RRBP1: variants seen among roughly 807,000 people sequenced by gnomAD.
The protein encoded by RRBP1 is ribosome-binding protein 1.
Under a neutral mutation model 165.2 loss-of-function variants are expected in RRBP1, and 94 were observed. The ratio of observed to expected loss-of-function variants is 0.57; its 90% CI spans 0.48 to 0.68. The LOEUF (loss-of-function observed/expected upper bound fraction) is 0.68, where lower values mean the gene tolerates loss of function less well. Among genes scored for constraint, RRBP1 ranks in the 30% least tolerant of loss-of-function variants. RRBP1 has a pLI of 0.00. For missense variants in RRBP1, 1,676 were observed against 1,763.0 expected (o/e 0.95, Z 0.88); for synonymous variants, 680 against 714.5 (o/e 0.95, Z 0.77).
At chr20:17,636,775 C>CAG (rs746675993) in intron 5 of RRBP1, 46 bp from the exon 6 acceptor site, 3 of 1,607,840 alleles carry the variant, frequency 1.9e-6, no homozygotes, top group Non-Finnish European at 2.5e-6. Flanking sequence ...CCTTGCAGGG[C>CAG]AGGAGCCTAT....
intron 8 of RRBP1, among the ~76,000 whole-genome samples, chr20:17,631,639 A>T (rs1477251567): frequency 6.6e-6 from 1 of 152,218 alleles, no homozygotes; most frequent in Non-Finnish European, 1.5e-5. Flanking sequence ...TCTAAGATTC[A>T]GTTCTTCTAG....
intron 2 of RRBP1, among the ~76,000 whole-genome samples, chr20:17,673,679 G>T (rs1220865944): frequency 6.6e-6 from 1 of 152,186 alleles, no homozygotes; most frequent in Non-Finnish European, 1.5e-5. Context: ...AAAGTGCTGG[G>T]ACTACAGGCT....
At chr20:17,636,517 CG>C in intron 6 of RRBP1, 59 bp downstream of exon 6, 1 of 1,578,098 alleles carries the variant, frequency 6.3e-7, no homozygotes, top group Non-Finnish European at 8.6e-7. Flanking sequence ...TGGCTCCCTC[CG>C]TCCTGGACCT....
At chr20:17,617,406 G>A (rs1265704795) in intron 20 of RRBP1, among the ~76,000 whole-genome samples, 1 of 152,190 alleles carries the variant, frequency 6.6e-6, no homozygotes. Flanking sequence ...ACCCAGGTGG[G>A]GCCCTTGGCA....
At chr20:17,656,485 G>A (rs537000895) in intron 3 of RRBP1, among the ~76,000 whole-genome samples, 2 of 152,228 alleles carry the variant, frequency 1.3e-5, no homozygotes, top group Admixed American at 1.3e-4. Context: ...GGTCTAAGAA[G>A]ACTTTTCCAA....
intron 2 of RRBP1, among the ~76,000 whole-genome samples, chr20:17,674,465 A>C (rs1205070926): frequency 6.6e-6 from 1 of 151,894 alleles, no homozygotes; most frequent in African/African-American, 2.4e-5. Flanking sequence ...TGTAATGCCA[A>C]CTATAAGAAT....
At chr20:17,627,780 C>T (rs2036058642) in intron 9 of RRBP1, 98 bp from the exon 10 acceptor site, 5 of 1,174,226 alleles carry the variant, frequency 4.3e-6, no homozygotes, top group Middle Eastern at 2.0e-4. Context: ...ATGTGGGGCA[C>T]CGAGGGCTTC....
At chr20:17,681,120 G>A (rs936923652) in intron 1 of RRBP1, among the ~76,000 whole-genome samples, 11 of 151,322 alleles carry the variant, frequency 7.3e-5, no homozygotes, top group Admixed American at 2.6e-4. Context: ...CACCAGGCCG[G>A]GTGCCAGCGC....
At chr20:17,676,302 G>A (rs2037080512) in intron 2 of RRBP1, among the ~76,000 whole-genome samples, 1 of 152,208 alleles carries the variant, frequency 6.6e-6, no homozygotes, top group South Asian at 2.1e-4. Flanking sequence ...AGGTAGAGCT[G>A]ATGGGACCTG....
chr20:17,673,843 T>TTA (rs1310866153), intron 2 of RRBP1, among the ~76,000 whole-genome samples: 4 of 152,218 alleles, frequency 2.6e-5, no homozygotes, highest in African/African-American at 9.6e-5. Context: ...TAAGAGTCCT[T>TTA]TGACACATTA....
chr20:17,624,424 T>TTCTATGCGTTCCTAGTGCC (rs1680606322), intron 13 of RRBP1, 152 bp downstream of exon 13: 15 of 645,460 alleles, frequency 2.3e-5, no homozygotes, highest in Non-Finnish European at 4.3e-5. Context: ...GTCCTAGTGC[T>TTCTATGCGTTCCTAGTGCC]TCTATGCGTT....
chr20:17,632,306 T>A (rs556365687), intron 8 of RRBP1, among the ~76,000 whole-genome samples: 52 of 152,234 alleles, frequency 3.4e-4, no homozygotes, highest in Admixed American at 1.2e-3. Context: ...CCTGGCTAGA[T>A]CCTTCGTAGG....
At position 17,658,904 on chromosome 20, in the gene RRBP1, T is replaced by C; in HGVS notation, c.1604A>G (p.Asn535Ser). 1 of 1,613,460 alleles carries C rather than the reference T, an allele frequency of 6.2e-7. No individual in the cohort carries two copies. Among genetic ancestry groups the C allele is most frequent in the Non-Finnish European group, 8.5e-7 (1 of 1,179,908 alleles). Reference protein sequence around the residue: ...AQGKKAERSPNQGKKGEGAPI... With the variant: ...AQGKKAERSPSQGKKGEGAPI... The stretch of plus-strand genomic sequence containing the variant: ...AGCTCCCTCTCCTTTTTTGCCTTGG[T>C]TGGGACTCCTTTCTGCCTTTTTGCC... The change falls in exon 3 of 25, where the codon AAC (asparagine) becomes AGC (serine). Residue 535 changes from asparagine (N) to serine (S), a missense_variant. Physicochemically the swap from Asn to Ser is conservative, Grantham distance 46. Around this residue, in one of 5 missense-constraint regions of RRBP1, gnomAD observed 1,184 missense variants for 1,167.1 expected, o/e 1.01. Transcript: ENST00000377813.
intron 3 of RRBP1, among the ~76,000 whole-genome samples, chr20:17,652,264 C>T (rs964658117): frequency 1.3e-5 from 2 of 152,224 alleles, no homozygotes; most frequent in African/African-American, 4.8e-5. Context: ...AGCCACTAGC[C>T]ACATGTGACT....
In RRBP1 at chr20:17,614,861, TTCTC is replaced by T. The variant is rs759779370; in HGVS notation, c.4066_4069del (p.Glu1356ArgfsTer3). The T allele has an allele frequency of 6.2e-7, 1 of 1,613,524 alleles. No individual in the cohort carries two copies. Among genetic ancestry groups the T allele is most frequent in the African/African-American group, 1.3e-5 (1 of 74,928 alleles). ...GCGCCCCAGGTCACTTGTTAACTTC[TTCTC>T]TTTTTCTAGTCTCTCCTGATGGTCA... On this transcript the variant is annotated frameshift_variant, in exon 24 of 25. Transcript: ENST00000377813. LOFTEE classifies it high-confidence loss of function.
At chr20:17,642,065 GT>G (rs2036373562) in intron 4 of RRBP1, 146 bp from the exon 5 acceptor site, 1 of 935,576 alleles carries the variant, frequency 1.1e-6, no homozygotes, top group Admixed American at 2.5e-5. Flanking sequence ...CCAGATACTT[GT>G]GGGGAAAGGC....
chr20:17,615,873 G>A (rs2035789719), intron 22 of RRBP1, 53 bp downstream of exon 22: 1 of 1,473,474 alleles, frequency 6.8e-7, no homozygotes, highest in East Asian at 2.3e-5. Context: ...ATTCCCTGGA[G>A]ACTCAGGGCC....
At chr20:17,660,611 G>C in intron 2 of RRBP1, 83 bp from the exon 3 acceptor site, 1 of 818,654 alleles carries the variant, frequency 1.2e-6, no homozygotes, top group Non-Finnish European at 2.0e-6. Flanking sequence ...CCAAACTTCA[G>C]GTTTCACTAA....
Position 17,658,910 on chromosome 20 carries a change from C to T in RRBP1, c.1598G>A (p.Ser533Asn), listed in dbSNP as rs1473928420. 3.1e-6 allele frequency: 5 copies of T among 1,613,046 alleles called. No homozygotes were observed. Among genetic ancestry groups the T allele is most frequent in the Non-Finnish European group, 4.2e-6 (5 of 1,179,864 alleles). ...CTCTCCTTTTTTGCCTTGGTTGGGA[C>T]TCCTTTCTGCCTTTTTGCCCTGAGC... ...EGAQGKKAER[S>N]PNQGKKGEGA... Residue 533 changes from serine (S) to asparagine (N), a missense_variant, in exon 3 of 25, where the codon AGT becomes AAT. This residue lies in a region of RRBP1 where 1,184 missense variants were observed against 1,167.1 expected (regional missense o/e 1.01). Transcript: ENST00000377813.
Sources: gnomAD v4.1 joint callset for allele counts (sites outside exome capture counted in the v4.1 genomes callset) on GRCh38, gnomAD v4.1.1 for gene constraint, gnomAD v4.1.1 regional missense constraint, MANE v1.5 for transcripts, NCBI Gene and HGNC (gene_info 2026-07-23, HGNC 2026-07-21) for gene names.